Variants in ZNF418 observed in about 807,000 individuals in gnomAD.
ZNF418 encodes zinc finger protein 418.
In ZNF418, 32 loss-of-function variants were observed where a neutral mutation model predicts 32.0. The ratio of observed to expected loss-of-function variants is 1.00; its 90% CI spans 0.75 to 1.34. The LOEUF (loss-of-function observed/expected upper bound fraction) is 1.34, where lower values mean the gene tolerates loss of function less well. Ranked by LOEUF, ZNF418 falls within the 40% of genes most tolerant of loss-of-function variation. The probability of loss-of-function intolerance (pLI) is 0.00; values close to 1 mark genes in which losing one functional copy is unlikely to be tolerated. For missense variants in ZNF418, 804 were observed against 812.5 expected (o/e 0.99, Z 0.13); for synonymous variants, 276 against 270.7 (o/e 1.02, Z -0.19).
At chr19:57,932,464 TC>T in intron 2 of ZNF418, 1 of 1,535,404 alleles carries the variant, frequency 6.5e-7, no homozygotes, top group Non-Finnish European at 8.7e-7. Flanking sequence ...AGCAATGCAG[TC>T]CCAAGTCATT....
Position 57,927,591 on chromosome 19 carries a change from T to C in ZNF418, c.590A>G (p.Gln197Arg). Reference sequence around the variant, plus strand: ...ACAGCTGTAATGAGTATCTCCCCACTGAAAGGGAGACTCACACTCAGGTTT... The same window carrying C: ...ACAGCTGTAATGAGTATCTCCCCACCGAAAGGGAGACTCACACTCAGGTTT... ...NSKPECESPF[Q>R]WGDTHYSCGE... The change falls in exon 4 of 6, where the codon CAG (glutamine) becomes CGG (arginine). Residue 197 changes from glutamine (Q) to arginine (R), a missense_variant. Coordinates refer to ENST00000396147, the MANE Select transcript of ZNF418 (RefSeq NM_133460.3). The C allele has an allele frequency of 3.1e-6, 5 of 1,614,164 alleles. No individual in the cohort carries two copies. The highest frequency in any genetic ancestry group is 4.2e-6 in the Non-Finnish European group (5 of 1,180,002).
At chr19:57,923,539 T>TACACAC (rs34833982) in intron 4 of ZNF418, among the ~76,000 whole-genome samples, 1,950 of 144,074 alleles carry the variant, frequency 0.014, 45 homozygotes, top group African/African-American at 0.046. Context: ...TATATATACA[T>TACACAC]ACACACACAC....
chr19:57,926,466 CCA>C lies in ZNF418; in HGVS notation c.1713_1714del (p.Cys571TrpfsTer9), dbSNP rs2072229117. On this transcript the variant is annotated frameshift_variant, in exon 4 of 6. Transcript: ENST00000396147. LOFTEE classifies it low-confidence loss of function (END_TRUNC). ...TTCAAGGAGACTGGAGAAGAATTTCCCACATTCTCTGCACTCATAAGGTCTTT... is the reference window on the plus strand; with the variant it reads ...TTCAAGGAGACTGGAGAAGAATTTCCCATTCTCTGCACTCATAAGGTCTTT... 1.9e-6 allele frequency: 3 copies of C among 1,612,114 alleles called. No homozygotes were observed. The highest frequency in any genetic ancestry group is 2.5e-6 in the Non-Finnish European group (3 of 1,179,486).
chr19:57,930,603 T>C (rs2072445891), intron 2 of ZNF418, 49 bp from the exon 3 acceptor site: 3 of 1,610,940 alleles, frequency 1.9e-6, no homozygotes, highest in Non-Finnish European at 2.5e-6. Flanking sequence ...TATGCTGAGG[T>C]ACCACAATCC....
intron 3 of ZNF418, among the ~76,000 whole-genome samples, chr19:57,929,377 C>T (rs142501102): frequency 2.4e-4 from 36 of 152,354 alleles, no homozygotes; most frequent in African/African-American, 8.7e-4. Flanking sequence ...ATTCAACTGC[C>T]TCTTCTGCAG....
chr19:57,925,418 G>A (rs960862716), intron 4 of ZNF418, among the ~76,000 whole-genome samples: 15 of 150,536 alleles, frequency 1.0e-4, no homozygotes, highest in Non-Finnish European at 1.6e-4. Flanking sequence ...CTGAGATCAC[G>A]CCACTGTACT....
chr19:57,923,539 TACACAC>T (rs34833982), intron 4 of ZNF418, among the ~76,000 whole-genome samples: 63 of 144,090 alleles, frequency 4.4e-4, no homozygotes, highest in East Asian at 1.6e-3. Flanking sequence ...TATATATACA[TACACAC>T]ACACACACAC....
chr19:57,933,394 C>T (rs976945501), intron 2 of ZNF418, among the ~76,000 whole-genome samples: 1 of 151,240 alleles, frequency 6.6e-6, no homozygotes, highest in South Asian at 2.1e-4. Flanking sequence ...CTGGCTAACA[C>T]GGTGAAACCC....
At chr19:57,925,236 A>C (rs915102385) in intron 4 of ZNF418, among the ~76,000 whole-genome samples, 1 of 152,134 alleles carries the variant, frequency 6.6e-6, no homozygotes, top group Non-Finnish European at 1.5e-5. Context: ...CAAGGAGGGC[A>C]GATCATGAGG....
chr19:57,933,578 G>A (rs1323020818), intron 2 of ZNF418, among the ~76,000 whole-genome samples: 1 of 152,146 alleles, frequency 6.6e-6, no homozygotes, highest in Non-Finnish European at 1.5e-5. Context: ...AAAATTAGCT[G>A]AGCATGGTGA....
At chr19:57,928,274 A>G (rs2072334212) in intron 3 of ZNF418, among the ~76,000 whole-genome samples, 1 of 152,156 alleles carries the variant, frequency 6.6e-6, no homozygotes, top group Non-Finnish European at 1.5e-5. Flanking sequence ...CAGAGAATTG[A>G]GCCAAGGTCT....
At position 57,925,210 on chromosome 19, in the gene ZNF418, C is replaced by A. The variant is rs540223085; in HGVS notation, c.*527+413G>T. Among the ~76,000 whole-genome samples, 114 of 152,242 alleles carry A rather than the reference C, an allele frequency of 7.5e-4. 1 individual carries two copies. Among genetic ancestry groups the A allele is most frequent in the African/African-American group, 2.6e-3 (109 of 41,548 alleles). On this transcript the variant is annotated intron_variant, in intron 4 of 5. Coordinates refer to ENST00000396147, the MANE Select transcript of ZNF418 (RefSeq NM_133460.3). ...GTGCGGTGGCTCACGCCTGTAATCC[C>A]AGCATTTTGGGAGGCCAAGGAGGGC...
At chr19:57,923,632 T>G (rs978273627) in intron 4 of ZNF418, among the ~76,000 whole-genome samples, 2 of 151,826 alleles carry the variant, frequency 1.3e-5, no homozygotes, top group Non-Finnish European at 2.9e-5. Flanking sequence ...TGGAGTACAG[T>G]GGTGCGATCT....
Position 57,935,271 on chromosome 19 carries a change from A to C in ZNF418, c.-191T>G. The C allele has an allele frequency of 8.9e-7, 1 of 1,126,706 alleles. No homozygotes were observed. Among genetic ancestry groups the C allele is most frequent in the Non-Finnish European group, 1.1e-6 (1 of 906,828 alleles). 69.8% of individuals were successfully genotyped at this position (1,126,706 alleles called of 1,614,324 possible). A position where few individuals can be genotyped will look rare whatever the true frequency, so the allele number is the denominator to read the frequency against. ...CTAAGATCTGCCTCTGTGCAGCAAG[A>C]AGGACTCTTCACCTTCTGGGTTCAG... On this transcript the variant is annotated 5_prime_UTR_variant, in exon 1 of 6. Transcript: ENST00000396147.
rs746517305 is a variant in ZNF418, at chr19:57,927,081, T to C, written c.1100A>G (p.Glu367Gly). 6.2e-7 allele frequency: 1 copy of C among 1,614,176 alleles called. No homozygotes were observed. The highest frequency in any genetic ancestry group is 2.2e-5 in the East Asian group (1 of 44,876). The change falls in exon 4 of 6, where the codon GAA becomes GGA. Residue 367 changes from glutamate to glycine, a missense_variant. Physicochemically the swap from Glu to Gly is moderately conservative, Grantham distance 98. This residue lies in a region of ZNF418 where 475 missense variants were observed against 458.6 expected (regional missense o/e 1.04). Transcript: ENST00000396147. ...LIQHQRGHTSERPYECEECGK... is the reference protein window; with the variant it reads ...LIQHQRGHTSGRPYECEECGK... ...ACATTCTTCACACTCATAAGGTCTTTCACTAGTGTGACCTCGTTGATGTTG... is the reference window on the plus strand; with the variant it reads ...ACATTCTTCACACTCATAAGGTCTTCCACTAGTGTGACCTCGTTGATGTTG...
intron 2 of ZNF418, 103 bp downstream of exon 2, chr19:57,933,713 TC>T: frequency 1.4e-6 from 2 of 1,446,774 alleles, no homozygotes; most frequent in Non-Finnish European, 1.9e-6. Context: ...AGAGCGAGAC[TC>T]CCGCTCAAAA....
Position 57,925,759 on chromosome 19 carries a change from AAGGGAAC to A in ZNF418, c.*384_*390del, listed in dbSNP as rs2072192667. On this transcript the variant is annotated 3_prime_UTR_variant, in exon 4 of 6. Coordinates refer to ENST00000396147, the MANE Select transcript of ZNF418 (RefSeq NM_133460.3). ...CCAGATAACCGACATCATGTCTGGC[AAGGGAAC>A]CCGGCAGGGTGAAAAATGCCACACA... The A allele has an allele frequency of 5.4e-6, 1 of 185,858 alleles. No individual in the cohort carries two copies. Among genetic ancestry groups the A allele is most frequent in the Non-Finnish European group, 1.1e-5 (1 of 88,170 alleles). The allele number at this position is 185,858 out of a possible 1,614,324, so 11.5% of individuals were successfully genotyped here.
intron 5 of ZNF418, 65 bp from the exon 6 acceptor site, chr19:57,922,694 A>C (rs193298611): frequency 2.5e-6 from 1 of 397,972 alleles, no homozygotes; most frequent in Non-Finnish European, 4.4e-6. Flanking sequence ...ACTTTGTTAA[A>C]TTGCAAGAAA....
Position 57,926,956 on chromosome 19 carries a change from G to A in ZNF418, c.1225C>T (p.Arg409Ter), listed in dbSNP as rs369229250. The part of the protein sequence containing the change: ...ECGECGKSFS[R>*]KGHLRNHQRG... ...TGATGGTTCCTAAGGTGTCCCTTTC[G>A]ACTAAAAGATTTCCCACATTCTCCA... Residue 409 changes from arginine (R) to a stop codon, truncating the protein, a stop_gained, in exon 4 of 6, where the codon CGA (arginine) becomes TGA (stop). Coordinates refer to ENST00000396147, the MANE Select transcript of ZNF418 (RefSeq NM_133460.3). LOFTEE classifies it low-confidence loss of function (END_TRUNC). 8.1e-6 allele frequency: 13 copies of A among 1,613,752 alleles called. No individual in the cohort carries two copies. Among genetic ancestry groups the A allele is most frequent in the Admixed American group, 5.0e-5 (3 of 59,974 alleles).
Sources: gnomAD v4.1 joint callset for allele counts (sites outside exome capture counted in the v4.1 genomes callset) on GRCh38, gnomAD v4.1.1 for gene constraint, gnomAD v4.1.1 regional missense constraint, MANE v1.5 for transcripts, NCBI Gene and HGNC (gene_info 2026-07-23, HGNC 2026-07-21) for gene names.